PAPPA2: variants seen among roughly 807,000 people sequenced by gnomAD.
PAPPA2 encodes pappalysin 2, also known as pappalysin-2.
PAPPA2 carries 86 observed loss-of-function variants against 176.4 expected under a neutral mutation model. The observed-to-expected ratio is 0.49, with a 90% CI of 0.41 to 0.58. PAPPA2 has a LOEUF of 0.58. Among genes scored for constraint, PAPPA2 ranks in the 20% least tolerant of loss-of-function variants. The probability of loss-of-function intolerance (pLI) is 0.00; values close to 1 mark genes in which losing one functional copy is unlikely to be tolerated. For missense variants in PAPPA2, 2,073 were observed against 2,256.9 expected (o/e 0.92, Z 1.65); for synonymous variants, 809 against 852.2 (o/e 0.95, Z 0.88).
intron 21 of PAPPA2, among the ~76,000 whole-genome samples, chr1:176,812,965 A>G (rs1195859294): frequency 3.3e-5 from 5 of 151,520 alleles, no homozygotes; most frequent in Admixed American, 3.3e-4. Context: ...GACATGCCCC[A>G]GTGTGTGTGT....
At chr1:176,825,304 T>C (rs1380329192) in intron 21 of PAPPA2, among the ~76,000 whole-genome samples, 3 of 152,230 alleles carry the variant, frequency 2.0e-5, no homozygotes. Flanking sequence ...GGTACCTACC[T>C]CTACTAGGTA....
At chr1:176,520,686 A>G (rs1420451885) in intron 1 of PAPPA2, among the ~76,000 whole-genome samples, 1 of 152,220 alleles carries the variant, frequency 6.6e-6, no homozygotes, top group Non-Finnish European at 1.5e-5. Flanking sequence ...TTGCAGAGTA[A>G]GTGTGAGTGA....
chr1:176,471,236 A>C (rs1178086638), intron 1 of PAPPA2, among the ~76,000 whole-genome samples: 2 of 152,152 alleles, frequency 1.3e-5, no homozygotes, highest in Admixed American at 1.3e-4. Flanking sequence ...CTGCCACCGG[A>C]AGGATGAGTA....
At chr1:176,750,715 G>A (rs1663134766) in intron 14 of PAPPA2, among the ~76,000 whole-genome samples, 1 of 152,106 alleles carries the variant, frequency 6.6e-6, no homozygotes, top group African/African-American at 2.4e-5. Context: ...ATAATAGTAA[G>A]CTAGAGAAAG....
In PAPPA2 at chr1:176,670,972, C is replaced by A. The variant is rs1658960005; in HGVS notation, c.1994C>A (p.Ala665Glu). The change falls in exon 4 of 23, where the codon GCA (alanine) becomes GAA (glutamate). Residue 665 changes from alanine to glutamate, a missense_variant and splice_region_variant. This residue lies in a region of PAPPA2 where 1,196 missense variants were observed against 1,330.4 expected (regional missense o/e 0.90). Transcript: ENST00000367662. ...TTTTCATCTTGCATGCTCTCTAGGGCATACATGAGTGTGAAGGAGCTGAAG... is the reference window on the plus strand; with the variant it reads ...TTTTCATCTTGCATGCTCTCTAGGGAATACATGAGTGTGAAGGAGCTGAAG... The part of the protein sequence containing the change: ...TCFDPDSPKR[A>E]YMSVKELKEA... The A allele has an allele frequency of 9.3e-6, 15 of 1,613,624 alleles. No homozygotes were observed. The highest frequency in any genetic ancestry group is 1.2e-5 in the Non-Finnish European group (14 of 1,179,788).
At chr1:176,806,542 C>T (rs6656137) in intron 21 of PAPPA2, among the ~76,000 whole-genome samples, 70,391 of 152,028 alleles carry the variant, frequency 0.46, 16,614 homozygotes, top group East Asian at 0.72. Flanking sequence ...GCCTTGTAAC[C>T]TCAGTGAAAG....
At chr1:176,698,946 A>G (rs115083190) in intron 7 of PAPPA2, among the ~76,000 whole-genome samples, 154 bp from the exon 8 acceptor site, 2,288 of 152,242 alleles carry the variant, frequency 0.015, 60 homozygotes, top group African/African-American at 0.051. Context: ...CTTTGTTCTT[A>G]CTAGTACTTA....
chr1:176,527,527 C>A (rs12126643), intron 1 of PAPPA2, among the ~76,000 whole-genome samples: 94,793 of 152,120 alleles, frequency 0.62, 31,419 homozygotes, highest in East Asian at 0.95. Context: ...GCATCTATCA[C>A]AGGGCCTGGC....
In PAPPA2 at chr1:176,699,337, A is replaced by G. The variant is rs1370893623; in HGVS notation, c.2984A>G (p.His995Arg). The change falls in exon 8 of 23, where the codon CAC becomes CGC. Residue 995 changes from histidine (H) to arginine (R), a missense_variant. Physicochemically the swap from His to Arg is conservative, Grantham distance 29. Around this residue, in one of 4 missense-constraint regions of PAPPA2, gnomAD observed 1,196 missense variants for 1,330.4 expected, o/e 0.90. Coordinates refer to ENST00000367662, the MANE Select transcript of PAPPA2 (RefSeq NM_020318.3). ...TTGCTGGAAAACAAGGAGTCAGTGC[A>G]CCTGGGCCCCTTAGACACTTTCTGT... ...EILLENKESV[H>R]LGPLDTFCDI... The G allele has an allele frequency of 6.2e-7, 1 of 1,614,056 alleles. No individual in the cohort carries two copies. The highest frequency in any genetic ancestry group is 1.3e-5 in the African/African-American group (1 of 74,926).
Position 176,702,618 on chromosome 1 carries a change from C to A in PAPPA2, c.3248C>A (p.Pro1083His). The change falls in exon 9 of 23, where the codon CCT becomes CAT. Residue 1083 changes from proline to histidine, a missense_variant. By Grantham distance (77) the Pro-to-His change is moderately conservative. Around this residue, in one of 4 missense-constraint regions of PAPPA2, gnomAD observed 846 missense variants for 857.9 expected, o/e 0.99. Transcript: ENST00000367662. ...TTTGGTTTCCACAGGGAGGTCACAC[C>A]TGGACAGATGTATCAGTACCAAGTT... ...HRKFTDVEVT[P>H]GQMYQYQVLA... 1.2e-6 allele frequency: 2 copies of A among 1,614,118 alleles called. No homozygotes were observed. Among genetic ancestry groups the A allele is most frequent in the African/African-American group, 1.3e-5 (1 of 75,050 alleles).
At chr1:176,602,990 T>A (rs1654412972) in intron 3 of PAPPA2, among the ~76,000 whole-genome samples, 2 of 152,232 alleles carry the variant, frequency 1.3e-5, no homozygotes, top group African/African-American at 4.8e-5. Flanking sequence ...TGGACTTTCC[T>A]CCTCAGGTGA....
chr1:176,810,115 TA>T (rs1482494414), intron 21 of PAPPA2, among the ~76,000 whole-genome samples: 1 of 152,092 alleles, frequency 6.6e-6, no homozygotes, highest in Non-Finnish European at 1.5e-5. Context: ...AATATGTGGC[TA>T]AGACACTCCA....
At chr1:176,524,834 T>C (rs879488538) in intron 1 of PAPPA2, among the ~76,000 whole-genome samples, 13 of 152,028 alleles carry the variant, frequency 8.6e-5, no homozygotes, top group Admixed American at 2.0e-4. Context: ...CCATCCTGGC[T>C]AACACGATGA....
At chr1:176,651,040 G>T (rs1024993383) in intron 3 of PAPPA2, among the ~76,000 whole-genome samples, 4 of 151,652 alleles carry the variant, frequency 2.6e-5, no homozygotes, top group Admixed American at 6.6e-5. Flanking sequence ...ACTGTATGTT[G>T]TCTCAATTCA....
At chr1:176,510,590 A>G (rs1648536110) in intron 1 of PAPPA2, among the ~76,000 whole-genome samples, 1 of 152,126 alleles carries the variant, frequency 6.6e-6, no homozygotes, top group Non-Finnish European at 1.5e-5. Context: ...AATTGTAAAT[A>G]TATGAATAAA....
intron 1 of PAPPA2, among the ~76,000 whole-genome samples, chr1:176,494,753 G>A (rs985232177): frequency 1.3e-5 from 2 of 152,056 alleles, no homozygotes; most frequent in African/African-American, 2.4e-5. Context: ...CTGGGAGCTG[G>A]GCCTTAACCC....
chr1:176,607,518 T>C (rs1654682426), intron 3 of PAPPA2, among the ~76,000 whole-genome samples: 1 of 152,234 alleles, frequency 6.6e-6, no homozygotes, highest in South Asian at 2.1e-4. Context: ...GTTTCATTCA[T>C]GTTGCTGCAA....
Position 176,693,060 on chromosome 1 carries a change from A to G in PAPPA2, c.2624+742A>G, listed in dbSNP as rs1428716384. On this transcript the variant is annotated intron_variant, in intron 6 of 22. Transcript: ENST00000367662. ...ACAGATAAATTTTTGTAGAAAGGAG[A>G]GAAAGGTAGGAAAATGAATGACATC... Among the ~76,000 whole-genome samples the G allele has an allele frequency of 2.0e-5, 3 of 152,288 alleles. No homozygotes were observed. The East Asian group carries it at 5.8e-4, about 29-fold the overall frequency.
chr1:176,613,028 A>C (rs1655018595), intron 3 of PAPPA2, among the ~76,000 whole-genome samples: 1 of 152,138 alleles, frequency 6.6e-6, no homozygotes, highest in Non-Finnish European at 1.5e-5. Flanking sequence ...GATTAGAAAA[A>C]GTTTTTCCTG....
Sources: gnomAD v4.1 joint callset for allele counts (sites outside exome capture counted in the v4.1 genomes callset) on GRCh38, gnomAD v4.1.1 for gene constraint, gnomAD v4.1.1 regional missense constraint, MANE v1.5 for transcripts, NCBI Gene and HGNC (gene_info 2026-07-23, HGNC 2026-07-21) for gene names.